DLGAP3: variants seen among roughly 807,000 people sequenced by gnomAD.
DLGAP3 encodes DLG associated protein 3, also known as disks large-associated protein 3.
A neutral mutation model predicts 81.2 loss-of-function variants in DLGAP3; 17 were observed. The ratio of observed to expected loss-of-function variants is 0.21; its 90% CI spans 0.14 to 0.31. The LOEUF is 0.31. Ranked by LOEUF, DLGAP3 falls within the 10% of genes least tolerant of loss-of-function variation. The pLI is 1.00. For missense variants in DLGAP3, 1,124 were observed against 1,388.0 expected (o/e 0.81, Z 3.02); for synonymous variants, 577 against 587.4 (o/e 0.98, Z 0.26).
rs80174827 is a variant in DLGAP3 at position 34,905,087 on chromosome 1, G to A, written c.297C>T (p.Phe99=). 6,727 of 1,592,080 alleles carry A rather than the reference G, an allele frequency of 4.2e-3. 192 individuals are homozygous for A. The Admixed American group carries it at 0.064, about 15-fold the overall frequency. The change falls in exon 3 of 12, where the codon TTC becomes TTT. Residue 99 remains phenylalanine (F), a synonymous_variant. Coordinates refer to ENST00000373347, the MANE Select transcript of DLGAP3 (RefSeq NM_001080418.3). ...FPRMYPGQGP[F]DTCEDCVGHP... The stretch of plus-strand genomic sequence containing the variant: ...GGCCCACACAGTCTTCACAGGTGTC[G>A]AAGGGGCCCTGGCCAGGGTACATCC...
intron 11 of DLGAP3, 64 bp from the exon 12 acceptor site, chr1:34,866,365 C>A: frequency 2.3e-6 from 3 of 1,320,752 alleles, no homozygotes; most frequent in African/African-American, 1.5e-5. Flanking sequence ...GGTGTCCGCC[C>A]CCGCACCCCC....
intron 5 of DLGAP3, among the ~76,000 whole-genome samples, chr1:34,894,652 A>G (rs1371934208): frequency 1.3e-5 from 2 of 152,254 alleles, no homozygotes; most frequent in African/African-American, 4.8e-5. Context: ...TGTATCAAAC[A>G]GTATGGGTAA....
chr1:34,894,264 C>A (rs200066655), intron 5 of DLGAP3, among the ~76,000 whole-genome samples: 109 of 117,092 alleles, frequency 9.3e-4, no homozygotes, highest in South Asian at 1.6e-3. Context: ...TAAGATAAAG[C>A]AAAAAAAAAA....
chr1:34,915,941 ACAC>A (rs1490543681), intron 1 of DLGAP3, among the ~76,000 whole-genome samples: 7 of 152,160 alleles, frequency 4.6e-5, no homozygotes, highest in African/African-American at 1.7e-4. Flanking sequence ...CAATCCCAGG[ACAC>A]CACAATTGCC....
chr1:34,900,312 T>C lies in DLGAP3; in HGVS notation c.1108-39A>G, dbSNP rs1280313810. On this transcript the variant is annotated intron_variant, in intron 3 of 11. Coordinates refer to ENST00000373347, the MANE Select transcript of DLGAP3 (RefSeq NM_001080418.3). This position sits in a 1 kb window ranked among gnomAD's most constrained non-coding sequence, Gnocchi z 5.6. ...GGTCTCTGTCTCTCAGACATGACCC[T>C]AGTAAATCTAGAGGCCAGGACTCTT... The C allele has an allele frequency of 6.3e-7, 1 of 1,593,232 alleles. No homozygotes were observed. The highest frequency in any genetic ancestry group is 8.6e-7 in the Non-Finnish European group (1 of 1,163,250).
At chr1:34,912,743 C>T (rs1245515904) in intron 1 of DLGAP3, among the ~76,000 whole-genome samples, 1 of 152,220 alleles carries the variant, frequency 6.6e-6, no homozygotes, top group East Asian at 1.9e-4. Flanking sequence ...CCTGTGTTAA[C>T]CAACCAGTAT....
At chr1:34,898,078 G>A (rs4417025) in intron 5 of DLGAP3, among the ~76,000 whole-genome samples, 46,672 of 152,114 alleles carry the variant, frequency 0.31, 7,444 homozygotes, top group Non-Finnish European at 0.34. Context: ...CTAAACATCC[G>A]AATGAGATTT....
rs147372106 is a variant in DLGAP3, at chr1:34,901,155, C to T, written c.1108-882G>A. Among the ~76,000 whole-genome samples the T allele has an allele frequency of 1.0e-3, 155 of 152,012 alleles. 2 individuals carry two copies. In the East Asian group the frequency reaches 0.024, roughly 24 times the overall value. Reference sequence around the variant, plus strand: ...TGGTTCTGGGATTCAGTGGGGAGATCGGGGCTGGAGGCGGACATGTGGGAG... The same window carrying T: ...TGGTTCTGGGATTCAGTGGGGAGATTGGGGCTGGAGGCGGACATGTGGGAG... On this transcript the variant is annotated intron_variant, in intron 3 of 11. Coordinates refer to ENST00000373347, the MANE Select transcript of DLGAP3 (RefSeq NM_001080418.3).
chr1:34,918,111 G>A (rs181252322), intron 1 of DLGAP3, among the ~76,000 whole-genome samples: 27 of 152,316 alleles, frequency 1.8e-4, no homozygotes, highest in African/African-American at 6.3e-4. Flanking sequence ...GTCTCTCAGA[G>A]GAACTCTGCC....
intron 5 of DLGAP3, among the ~76,000 whole-genome samples, chr1:34,891,391 G>A (rs1349187493): frequency 6.6e-6 from 1 of 152,194 alleles, no homozygotes; most frequent in Non-Finnish European, 1.5e-5. Context: ...TGTTAGGCTG[G>A]GTTTCAGCAA....
At position 34,891,992 on chromosome 1, in the gene DLGAP3, A is replaced by C. The variant is rs568143174; in HGVS notation, c.1387-5707T>G. 1.2e-4 allele frequency among the ~76,000 whole-genome samples: 19 copies of C among 152,384 alleles called. No homozygotes were observed. The South Asian group carries it at 3.9e-3, about 32-fold the overall frequency. ...GTTCAGTATTTAACAAAAAATTATG[A>C]AACATGCAAATAAACAAGAAGGTAT... On this transcript the variant is annotated intron_variant, in intron 5 of 11. Transcript: ENST00000373347.
At chr1:34,916,384 C>T (rs759740263) in intron 1 of DLGAP3, among the ~76,000 whole-genome samples, 1 of 152,242 alleles carries the variant, frequency 6.6e-6, no homozygotes, top group African/African-American at 2.4e-5. Context: ...TGCCTTTCAA[C>T]TCTGAAGTCT....
Position 34,895,341 on chromosome 1 carries a change from C to G in DLGAP3, c.1386+4328G>C, listed in dbSNP as rs1639366614. On this transcript the variant is annotated intron_variant, in intron 5 of 11. Coordinates refer to ENST00000373347, the MANE Select transcript of DLGAP3 (RefSeq NM_001080418.3). This position sits in a 1 kb window ranked among gnomAD's most constrained non-coding sequence, Gnocchi z 4.5. ...CGAGATCATGCCACTGCACTCCTAC[C>G]TGGGCGACAGAGCGAGACTGTCTCA... Among the ~76,000 whole-genome samples, 1 of 149,678 alleles carries G rather than the reference C, an allele frequency of 6.7e-6. No homozygotes were observed. The highest frequency in any genetic ancestry group is 1.5e-5 in the Non-Finnish European group (1 of 67,704).
intron 5 of DLGAP3, among the ~76,000 whole-genome samples, chr1:34,887,922 G>A (rs551267821): frequency 5.3e-5 from 8 of 152,292 alleles, no homozygotes; most frequent in South Asian, 2.1e-4. Context: ...CTCGGCTAGC[G>A]GCATGCGAAG....
chr1:34,884,832 G>A, intron 8 of DLGAP3, 146 bp downstream of exon 8: 1 of 696,782 alleles, frequency 1.4e-6, no homozygotes, highest in South Asian at 1.6e-5. Flanking sequence ...AGCCCCTGTG[G>A]CTGCTCTGAC....
chr1:34,865,909 G>C lies in DLGAP3; in HGVS notation c.*174C>G. ...CCCTGCCCAGCCCGGGCGCCTTCGC[G>C]TGGGATCAGGAAGGTAAAAAACCCA... On this transcript the variant is annotated 3_prime_UTR_variant, in exon 12 of 12. Coordinates refer to ENST00000373347, the MANE Select transcript of DLGAP3 (RefSeq NM_001080418.3). 3 of 705,020 alleles carry C rather than the reference G, an allele frequency of 4.3e-6. No individual in the cohort carries two copies. Among genetic ancestry groups the C allele is most frequent in the Non-Finnish European group, 7.5e-6 (3 of 400,008 alleles). The allele number at this position is 705,020 out of a possible 1,614,324, so 43.7% of individuals were successfully genotyped here.
intron 1 of DLGAP3, among the ~76,000 whole-genome samples, chr1:34,926,629 C>T (rs1299933569): frequency 1.8e-4 from 28 of 152,154 alleles, no homozygotes; most frequent in Non-Finnish European, 4.4e-5. Context: ...TCTTTGGAAG[C>T]TCCTCTAGGC....
In DLGAP3 at chr1:34,887,994, C is replaced by T. The variant is rs756516765; in HGVS notation, c.1387-1709G>A. Among the ~76,000 whole-genome samples the T allele has an allele frequency of 5.9e-5, 9 of 152,216 alleles. No individual in the cohort carries two copies. The South Asian group carries it at 6.2e-4, about 11-fold the overall frequency. ...CCATGAGAACCACAACAATTCCTGT[C>T]CCTGAGACTAAGAGACAATCATCCC... On this transcript the variant is annotated intron_variant, in intron 5 of 11. Transcript: ENST00000373347.
intron 1 of DLGAP3, among the ~76,000 whole-genome samples, chr1:34,909,888 C>T (rs1019042930): frequency 5.3e-5 from 8 of 152,268 alleles, no homozygotes; most frequent in East Asian, 1.9e-4. Flanking sequence ...TTGGCTGACT[C>T]GCTAAAATTC....
Sources: allele counts gnomAD v4.1 joint callset (sites outside exome capture counted in the v4.1 genomes callset), GRCh38; gene constraint gnomAD v4.1.1; non-coding constraint Gnocchi (gnomAD v3.1); transcripts MANE v1.5; gene names NCBI Gene and HGNC (gene_info 2026-07-23, HGNC 2026-07-21).